SMC6: variants seen among roughly 807,000 people sequenced by gnomAD.
The protein encoded by SMC6 is structural maintenance of chromosomes 6, also known as structural maintenance of chromosomes protein 6.
Under a neutral mutation model 142.2 loss-of-function variants are expected in SMC6, and 79 were observed. The observed-to-expected ratio is 0.56, with a 90% CI of 0.46 to 0.67. The LOEUF (loss-of-function observed/expected upper bound fraction) is 0.67, where lower values mean the gene tolerates loss of function less well. SMC6 is among the 30% of genes least tolerant of loss of function. The pLI, the probability that SMC6 is intolerant of heterozygous loss-of-function variation, is 0.00. For synonymous variants in SMC6, 411 were observed against 412.4 expected, an observed-to-expected ratio of 1.00 and a Z score of 0.04; for missense variants, 1,072 against 1,284.0, an observed-to-expected ratio of 0.83 and a Z score of 2.52.
intron 25 of SMC6, among the ~76,000 whole-genome samples, chr2:17,673,163 C>T (rs1256100182): frequency 6.6e-6 from 1 of 152,122 alleles, no homozygotes; most frequent in Non-Finnish European, 1.5e-5. Context: ...ACTAACAGCG[C>T]TTTTTCATGT....
At chr2:17,753,363 G>A (rs1450693939) in intron 1 of SMC6, among the ~76,000 whole-genome samples, 3 of 152,214 alleles carry the variant, frequency 2.0e-5, no homozygotes, top group Non-Finnish European at 4.4e-5. Flanking sequence ...GCCTGGGAGG[G>A]GACGGCCCGG....
At chr2:17,676,781 C>T (rs1304768696) in intron 25 of SMC6, among the ~76,000 whole-genome samples, 2 of 151,960 alleles carry the variant, frequency 1.3e-5, no homozygotes, top group African/African-American at 4.8e-5. Context: ...GCAGATTTTT[C>T]CCTAGGTAGT....
intron 11 of SMC6, among the ~76,000 whole-genome samples, chr2:17,719,312 T>C (rs1572325511): frequency 6.6e-6 from 1 of 152,364 alleles, no homozygotes; most frequent in East Asian, 1.9e-4. Context: ...CTTTAGACAC[T>C]GTTTCTTCAG....
Position 17,700,360 on chromosome 2 carries a change from T to C in SMC6, c.2242A>G (p.Asn748Asp). The C allele has an allele frequency of 6.2e-7, 1 of 1,602,742 alleles. No homozygotes were observed. The highest frequency in any genetic ancestry group is 1.1e-5 in the South Asian group (1 of 88,376). ...IATLEDEAQE[N>D]KSKMKMVEEH... The stretch of plus-strand genomic sequence containing the variant: ...TCAACCATTTTCATTTTGCTTTTAT[T>C]TTCCTGAGCTTCATCTTCCTGATAA... Residue 748 changes from asparagine to aspartate, a missense_variant, in exon 21 of 28, where the codon AAT (asparagine) becomes GAT (aspartate). Transcript: ENST00000448223.
At chr2:17,704,879 G>A (rs564182878) in intron 18 of SMC6, among the ~76,000 whole-genome samples, 1 of 151,918 alleles carries the variant, frequency 6.6e-6, no homozygotes, top group Non-Finnish European at 1.5e-5. Context: ...AATTTAATAT[G>A]GGTCCTCAGG....
At chr2:17,708,807 A>G in intron 16 of SMC6, 54 bp from the exon 17 acceptor site, 1 of 673,962 alleles carries the variant, frequency 1.5e-6, no homozygotes, top group African/African-American at 2.3e-5. Flanking sequence ...TTATAAATAT[A>G]TACATATGAA....
chr2:17,718,877 T>C (rs1171716613), intron 11 of SMC6, among the ~76,000 whole-genome samples: 1 of 152,212 alleles, frequency 6.6e-6, no homozygotes, highest in Non-Finnish European at 1.5e-5. Flanking sequence ...GACCTAAGTC[T>C]GTCTCTTATC....
At chr2:17,717,312 A>C (rs1669141509) in intron 12 of SMC6, 136 bp from the exon 13 acceptor site, 3 of 554,568 alleles carry the variant, frequency 5.4e-6, no homozygotes, top group South Asian at 5.5e-5. Context: ...TGGCCATTTG[A>C]AACCATTACA....
chr2:17,742,544 G>C (rs944568910), intron 3 of SMC6, among the ~76,000 whole-genome samples: 2 of 152,118 alleles, frequency 1.3e-5, no homozygotes, highest in Non-Finnish European at 2.9e-5. Context: ...CTAAGTACCA[G>C]AACAAATCAG....
chr2:17,713,939 G>T (rs1293803729), intron 16 of SMC6, among the ~76,000 whole-genome samples: 1 of 152,012 alleles, frequency 6.6e-6, no homozygotes, highest in African/African-American at 2.4e-5. Context: ...ATTAACATGA[G>T]TTAATTACAC....
intron 21 of SMC6, 84 bp from the exon 22 acceptor site, chr2:17,696,510 G>A: frequency 1.4e-6 from 2 of 1,414,888 alleles, no homozygotes; most frequent in East Asian, 2.3e-5. Context: ...TCGGTAAAGT[G>A]GCTAGGATTA....
intron 24 of SMC6, among the ~76,000 whole-genome samples, chr2:17,682,389 G>T (rs1667274816): frequency 6.6e-6 from 1 of 152,176 alleles, no homozygotes; most frequent in Non-Finnish European, 1.5e-5. Flanking sequence ...TTCACCGACA[G>T]AGGACAAAGG....
intron 20 of SMC6, 56 bp from the exon 21 acceptor site, chr2:17,700,434 A>C: frequency 7.4e-7 from 1 of 1,346,616 alleles, no homozygotes. Context: ...GTTTTCAAAT[A>C]GAAGAAACAT....
chr2:17,666,952 A>C (rs1666526041), intron 26 of SMC6, among the ~76,000 whole-genome samples: 1 of 152,220 alleles, frequency 6.6e-6, no homozygotes. Context: ...ATTGTACTCT[A>C]GCCTGAATGA....
At position 17,726,378 on chromosome 2, in the gene SMC6, G is replaced by A; in HGVS notation, c.624+11C>T. On this transcript the variant is annotated intron_variant, in intron 8 of 27. Coordinates refer to ENST00000448223, the MANE Select transcript of SMC6 (RefSeq NM_001142286.2). ...TTTAAATGGGTTTATATTTACTTTG[G>A]TGCCACTTACTTTGTATTTGTCTCC... 1.3e-6 allele frequency: 2 copies of A among 1,599,338 alleles called. No homozygotes were observed. The highest frequency in any genetic ancestry group is 1.7e-6 in the Non-Finnish European group (2 of 1,170,830).
At chr2:17,717,340 G>C (rs1669142332) in intron 12 of SMC6, among the ~76,000 whole-genome samples, 164 bp from the exon 13 acceptor site, 1 of 152,082 alleles carries the variant, frequency 6.6e-6, no homozygotes, top group African/African-American at 2.4e-5. Flanking sequence ...AAATCTCAAA[G>C]CATCACTAAT....
intron 12 of SMC6, among the ~76,000 whole-genome samples, chr2:17,717,378 T>TA (rs1431970120): frequency 6.6e-6 from 1 of 152,092 alleles, no homozygotes; most frequent in African/African-American, 2.4e-5. Context: ...ATCTCTACTT[T>TA]AAAAAATAGA....
intron 25 of SMC6, among the ~76,000 whole-genome samples, 196 bp downstream of exon 25, chr2:17,678,663 C>T (rs574552383): frequency 6.6e-6 from 1 of 151,210 alleles, no homozygotes; most frequent in African/African-American, 2.4e-5. Flanking sequence ...ATACTCCTAG[C>T]TACTTGGGAG....
intron 25 of SMC6, among the ~76,000 whole-genome samples, chr2:17,672,885 C>G (rs1386090591): frequency 6.6e-6 from 1 of 152,194 alleles, no homozygotes; most frequent in Non-Finnish European, 1.5e-5. Flanking sequence ...ATAAATAAAA[C>G]TTCTTTGAAC....
Sources: gnomAD v4.1 joint callset for allele counts (sites outside exome capture counted in the v4.1 genomes callset) on GRCh38, gnomAD v4.1.1 for gene constraint, MANE v1.5 for transcripts, NCBI Gene and HGNC (gene_info 2026-07-23, HGNC 2026-07-21) for gene names.